Variants in MLKL observed in about 807,000 individuals in gnomAD.
The protein encoded by MLKL is mixed lineage kinase domain-like protein.
Under a neutral mutation model 56.5 loss-of-function variants are expected in MLKL, and 55 were observed. The ratio of observed to expected loss-of-function variants is 0.97; its 90% confidence interval spans 0.78 to 1.22. The LOEUF (loss-of-function observed/expected upper bound fraction) is 1.22, where lower values mean the gene tolerates loss of function less well. MLKL is among the 50% of genes most tolerant of loss of function. The probability of loss-of-function intolerance (pLI) is 0.00; values close to 1 mark genes in which losing one functional copy is unlikely to be tolerated. For synonymous variants in MLKL, 251 were observed against 208.3 expected (o/e 1.20, Z -1.76); for missense variants, 694 against 573.9 (o/e 1.21, Z -2.14).
chr16:74,695,748 A>C lies in MLKL; in HGVS notation c.10T>G (p.Leu4Val). Residue 4 changes from leucine (L) to valine (V), a missense_variant, in exon 2 of 11, where the codon TTG becomes GTG. Leu to Val is a conservative substitution (Grantham distance 32). Coordinates refer to ENST00000308807, the MANE Select transcript of MLKL (RefSeq NM_152649.4). MEN[L>V]KHIITLGQVI... ...TGGCCAAGGGTGATAATATGCTTCA[A>C]ATTTTCCATGCCTGGAAGAAATGAA... 2 of 1,585,874 alleles carry C rather than the reference A, an allele frequency of 1.3e-6. No individual in the cohort carries two copies. The highest frequency in any genetic ancestry group is 1.7e-6 in the Non-Finnish European group (2 of 1,165,334).
chr16:74,700,131 T>C (rs1385466842), intron 1 of MLKL, among the ~76,000 whole-genome samples: 1 of 152,052 alleles, frequency 6.6e-6, no homozygotes, highest in Admixed American at 6.6e-5. Flanking sequence ...CCCTCTTCTC[T>C]CTCTCTCACT....
At chr16:74,690,674 T>G (rs1960607441) in intron 4 of MLKL, among the ~76,000 whole-genome samples, 2 of 149,252 alleles carry the variant, frequency 1.3e-5, no homozygotes, top group South Asian at 4.2e-4. Flanking sequence ...CCCAGCTACT[T>G]GGGAGGCTGA....
In MLKL at chr16:74,682,616, C is replaced by A. The variant is rs759942510; in HGVS notation, c.956+35G>T. 2.5e-6 allele frequency: 4 copies of A among 1,611,346 alleles called. No homozygotes were observed. In the Admixed American group the frequency reaches 6.7e-5, roughly 27 times the overall value. On this transcript the variant is annotated intron_variant, in intron 6 of 10. Transcript: ENST00000308807. ...GTATCAGGAGTGTGGACAGACCCAT[C>A]CAACCCTTAGTGGCGCCTTTTCACC... is the stretch of plus-strand genomic sequence containing the variant.
intron 4 of MLKL, among the ~76,000 whole-genome samples, chr16:74,685,860 C>G (rs933795479): frequency 2.6e-5 from 4 of 152,100 alleles, no homozygotes; most frequent in Non-Finnish European, 4.4e-5. Flanking sequence ...TTTTTATGAC[C>G]TACAGGGCTT....
chr16:74,692,008 G>C (rs746415821), intron 3 of MLKL, among the ~76,000 whole-genome samples: 9 of 152,196 alleles, frequency 5.9e-5, no homozygotes, highest in Non-Finnish European at 1.3e-4. Flanking sequence ...CAGTTTTGTT[G>C]AATGAATGAA....
intron 10 of MLKL, 120 bp from the exon 11 acceptor site, chr16:74,672,658 G>A (rs1225599637): frequency 1.1e-6 from 1 of 881,514 alleles, no homozygotes; most frequent in Non-Finnish European, 1.8e-6. Context: ...GGTCTGGCTG[G>A]TGCCTGAACC....
chr16:74,686,461 T>C (rs1960334154), intron 4 of MLKL, among the ~76,000 whole-genome samples: 1 of 152,310 alleles, frequency 6.6e-6, no homozygotes, highest in East Asian at 1.9e-4. Context: ...CGGGCGCCTG[T>C]AGCCCCAGCT....
chr16:74,692,205 C>T, intron 3 of MLKL, 137 bp downstream of exon 3: 1 of 758,688 alleles, frequency 1.3e-6, no homozygotes, highest in East Asian at 2.5e-5. Context: ...GAATGGATCC[C>T]CAAACCTGTG....
intron 2 of MLKL, among the ~76,000 whole-genome samples, chr16:74,693,855 G>A (rs903559593): frequency 6.6e-6 from 1 of 152,006 alleles, no homozygotes; most frequent in Non-Finnish European, 1.5e-5. Context: ...CGCCCGCCTC[G>A]GCCTCCCAAA....
chr16:74,689,352 G>A (rs1176281599), intron 4 of MLKL, among the ~76,000 whole-genome samples: 1 of 152,084 alleles, frequency 6.6e-6, no homozygotes, highest in Non-Finnish European at 1.5e-5. Context: ...CTGACCTCAG[G>A]TGATCTGCCC....
intron 10 of MLKL, among the ~76,000 whole-genome samples, chr16:74,673,174 C>G (rs918286574): frequency 6.6e-6 from 1 of 152,172 alleles, no homozygotes; most frequent in African/African-American, 2.4e-5. Flanking sequence ...TCCTTGGAAG[C>G]TGCCTCAAAA....
chr16:74,678,008 T>A (rs941601418), intron 7 of MLKL: 3 of 152,256 alleles, frequency 2.0e-5, no homozygotes, highest in African/African-American at 7.2e-5. Context: ...GCAACTCACA[T>A]GTCACTTGCA....
At chr16:74,688,821 T>C (rs1033220172) in intron 4 of MLKL, among the ~76,000 whole-genome samples, 3 of 152,206 alleles carry the variant, frequency 2.0e-5, no homozygotes, top group Non-Finnish European at 4.4e-5. Context: ...AATTGATTAA[T>C]GGATAAGTAG....
intron 2 of MLKL, among the ~76,000 whole-genome samples, chr16:74,693,997 C>G (rs1960860459): frequency 1.3e-5 from 2 of 151,940 alleles, no homozygotes; most frequent in South Asian, 4.1e-4. Flanking sequence ...TTGTGTGCTG[C>G]TAGTATGATC....
Position 74,678,937 on chromosome 16 carries a change from T to C in MLKL, c.1000A>G (p.Ser334Gly), listed in dbSNP as rs1257699830. 6.2e-7 allele frequency: 1 copy of C among 1,614,140 alleles called. No individual in the cohort carries two copies. Among genetic ancestry groups the C allele is most frequent in the Non-Finnish European group, 8.5e-7 (1 of 1,180,000 alleles). The change falls in exon 7 of 11, where the codon AGC becomes GGC. Residue 334 changes from serine (S) to glycine (G), a missense_variant. Coordinates refer to ENST00000308807, the MANE Select transcript of MLKL (RefSeq NM_152649.4). ...CCTTGAGTTACCAGGAAGTTTGAGC[T>C]TCTGATTTTTCCGTGGAGTTCAGGT... Reference protein sequence around the residue: ...EAPELHGKIRSSNFLVTQGYQ... With the variant: ...EAPELHGKIRGSNFLVTQGYQ...
intron 4 of MLKL, among the ~76,000 whole-genome samples, chr16:74,685,900 G>A (rs532340367): frequency 6.6e-6 from 1 of 151,696 alleles, no homozygotes; most frequent in South Asian, 2.1e-4. Context: ...TCAAGTATTT[G>A]TTACTGTTTT....
chr16:74,685,353 T>A (rs1663247818), intron 5 of MLKL, 133 bp downstream of exon 5: 11 of 674,772 alleles, frequency 1.6e-5, no homozygotes, highest in Admixed American at 2.8e-5. Context: ...AAAAAAAAAA[T>A]TAACATTGAT....
At chr16:74,678,362 T>G (rs899858046) in intron 7 of MLKL, 1 of 157,072 alleles carries the variant, frequency 6.4e-6, no homozygotes, top group East Asian at 1.9e-4. Context: ...AGCCCATCCC[T>G]GCTAAATGGG....
intron 1 of MLKL, among the ~76,000 whole-genome samples, chr16:74,699,293 A>G (rs933878173): frequency 6.6e-6 from 1 of 152,194 alleles, no homozygotes; most frequent in Non-Finnish European, 1.5e-5. Context: ...CTACTGACAT[A>G]TTTTGGCATT....
Sources: gnomAD v4.1 joint callset for allele counts (sites outside exome capture counted in the v4.1 genomes callset) on GRCh38, gnomAD v4.1.1 for gene constraint, MANE v1.5 for transcripts, NCBI Gene and HGNC (gene_info 2026-07-23, HGNC 2026-07-21) for gene names.